DYNC1H1: variants seen among roughly 807,000 people sequenced by gnomAD.
DYNC1H1 encodes the protein dynein cytoplasmic 1 heavy chain 1, also known as cytoplasmic dynein 1 heavy chain 1.
DYNC1H1 carries 51 observed loss-of-function variants against 527.1 expected under a neutral mutation model. The observed-to-expected ratio is 0.10, with a 90% CI of 0.08 to 0.12. The LOEUF (loss-of-function observed/expected upper bound fraction) is 0.12, where lower values mean the gene tolerates loss of function less well. Ranked by LOEUF, DYNC1H1 falls within the 10% of genes least tolerant of loss-of-function variation. DYNC1H1 has a pLI of 1.00. For synonymous variants in DYNC1H1, 2,189 were observed against 2,278.8 expected (o/e 0.96, Z 1.12); for missense variants, 2,771 against 5,971.8 (o/e 0.46, Z 17.66).
chr14:102,044,121 C>T lies in DYNC1H1; in HGVS notation c.12684+76C>T. The T allele has an allele frequency of 6.3e-7, 1 of 1,595,606 alleles. No homozygotes were observed. The highest frequency in any genetic ancestry group is 8.5e-7 in the Non-Finnish European group (1 of 1,174,312). ...TGCTGCAGGGCGTGGTGCTGAGAGGCCAGACTCTGCGTGGAAGAGCGAGCT... is the reference window on the plus strand; with the variant it reads ...TGCTGCAGGGCGTGGTGCTGAGAGGTCAGACTCTGCGTGGAAGAGCGAGCT... On this transcript the variant is annotated intron_variant, in intron 70 of 77. Transcript: ENST00000360184. The surrounding 1 kb of genome is among the most constrained non-coding windows in gnomAD (Gnocchi z 7.1).
At chr14:102,003,553 A>G (rs1241887327) in intron 23 of DYNC1H1, among the ~76,000 whole-genome samples, 1 of 152,112 alleles carries the variant, frequency 6.6e-6, no homozygotes, top group African/African-American at 2.4e-5. Flanking sequence ...GAGCCACTGC[A>G]CCCAGCCTCT....
At chr14:102,043,731 C>T in intron 69 of DYNC1H1, 144 bp from the exon 70 acceptor site, 1 of 1,104,676 alleles carries the variant, frequency 9.1e-7, no homozygotes, top group Non-Finnish European at 1.3e-6. Context: ...TACTTTTCTC[C>T]TAGCAGCAGT....
intron 1 of DYNC1H1, among the ~76,000 whole-genome samples, chr14:101,969,118 C>T (rs565841016): frequency 2.0e-5 from 3 of 151,932 alleles, no homozygotes; most frequent in South Asian, 2.1e-4. Flanking sequence ...CCCGGGTTCA[C>T]GCCATTCTCC....
chr14:101,995,332 C>A (rs760960649), intron 15 of DYNC1H1, 32 bp downstream of exon 15: 1 of 1,613,102 alleles, frequency 6.2e-7, no homozygotes, highest in Non-Finnish European at 8.5e-7. Flanking sequence ...AAATTTTTGG[C>A]TGGGCGTGGT....
Position 102,010,261 on chromosome 14 carries a change from TTTC to T in DYNC1H1, c.6222-9_6222-7del, listed in dbSNP as rs747347010. On this transcript the variant is annotated splice_polypyrimidine_tract_variant and intron_variant, in intron 30 of 77. Coordinates refer to ENST00000360184, the MANE Select transcript of DYNC1H1 (RefSeq NM_001376.5). This position sits in a 1 kb window ranked among gnomAD's most constrained non-coding sequence, Gnocchi z 6.0. The stretch of plus-strand genomic sequence containing the variant: ...ATACTGTTATTAAAGATAGCCTTTT[TTTC>T]TTCTTTTCTAGACTATGCGATGAGC... 4.7e-5 allele frequency: 76 copies of T among 1,613,842 alleles called. No homozygotes were observed. The African/African-American group carries it at 9.1e-4, about 19-fold the overall frequency.
rs1364758830 is a variant in DYNC1H1, at chr14:102,022,731, A to T, written c.8508-20A>T. ...CCGTGCCCTCTAGTTACCTAAATGC[A>T]CATGCTGCTCTCCCCACAGACTCGT... On this transcript the variant is annotated intron_variant, in intron 42 of 77. Coordinates refer to ENST00000360184, the MANE Select transcript of DYNC1H1 (RefSeq NM_001376.5). 23 of 1,613,874 alleles carry T rather than the reference A, an allele frequency of 1.4e-5. No individual in the cohort carries two copies. Among genetic ancestry groups the T allele is most frequent in the Non-Finnish European group, 1.9e-5 (22 of 1,179,952 alleles).
Position 102,044,338 on chromosome 14 carries a change from C to G in DYNC1H1, c.12749C>G (p.Ser4250Cys), listed in dbSNP as rs1595633349. 1 of 1,614,216 alleles carries G rather than the reference C, an allele frequency of 6.2e-7. No individual in the cohort carries two copies. The highest frequency in any genetic ancestry group is 8.5e-7 in the Non-Finnish European group (1 of 1,180,046). ...GCACTAAAGACCTTAATGGCCCAGT[C>G]CATTTATGGCGGGCGCGTGGACAAC... ...WSALKTLMAQ[S>C]IYGGRVDNEF... Residue 4250 changes from serine to cysteine, a missense_variant, in exon 71 of 78, where the codon TCC becomes TGC. Physicochemically the swap from Ser to Cys is moderately radical, Grantham distance 112 (BLOSUM62 -1). Coordinates refer to ENST00000360184, the MANE Select transcript of DYNC1H1 (RefSeq NM_001376.5). The surrounding 1 kb of genome is among the most constrained non-coding windows in gnomAD (Gnocchi z 7.1).
rs2749897 is a variant in DYNC1H1, at chr14:102,011,024, G to A, written c.6618+72G>A. The A allele has an allele frequency of 0.012, 18,651 of 1,523,734 alleles. 427 individuals are homozygous for A. The highest frequency in any genetic ancestry group is 0.088 in the African/African-American group (6,428 of 73,086). 94.4% of individuals were successfully genotyped at this position (1,523,734 alleles called of 1,614,324 possible). ...GCTTTAGTGTCTGGTAATGACAACCGTGGGCCCTTCGATGAAACTGTCCAC... is the reference window on the plus strand; with the variant it reads ...GCTTTAGTGTCTGGTAATGACAACCATGGGCCCTTCGATGAAACTGTCCAC... On this transcript the variant is annotated intron_variant, in intron 32 of 77. Coordinates refer to ENST00000360184, the MANE Select transcript of DYNC1H1 (RefSeq NM_001376.5). The surrounding 1 kb of genome is among the most constrained non-coding windows in gnomAD (Gnocchi z 5.3).
Position 101,997,288 on chromosome 14 carries a change from G to A in DYNC1H1, c.3804+14G>A, listed in dbSNP as rs748738577. On this transcript the variant is annotated intron_variant, in intron 16 of 77. Coordinates refer to ENST00000360184, the MANE Select transcript of DYNC1H1 (RefSeq NM_001376.5). This position sits in a 1 kb window ranked among gnomAD's most constrained non-coding sequence, Gnocchi z 4.8. ...AAGCCTGTCACGGTGAGTCCCGCCAGGTGGGGACGCAGGAGACTCCTCACC... is the reference window on the plus strand; with the variant it reads ...AAGCCTGTCACGGTGAGTCCCGCCAAGTGGGGACGCAGGAGACTCCTCACC... The A allele has an allele frequency of 1.1e-5, 17 of 1,613,960 alleles. No individual in the cohort carries two copies. In the African/African-American group the frequency reaches 2.0e-4, roughly 19 times the overall value.
rs888212738 is a variant in DYNC1H1, at chr14:102,054,566, T to C, written c.*4003T>C. 7.0e-6 allele frequency: 1 copy of C among 141,912 alleles called. No individual in the cohort carries two copies. The highest frequency in any genetic ancestry group is 1.5e-5 in the Non-Finnish European group (1 of 65,200). 8.8% of individuals were successfully genotyped at this position (141,912 alleles called of 1,614,324 possible). ...TCACCAACAGAGCCTTTGCAGAACT[T>C]TTTTTTTTTTTTTTTTTTTTGAGAC... On this transcript the variant is annotated 3_prime_UTR_variant, in exon 78 of 78. Transcript: ENST00000360184.
At position 102,010,873 on chromosome 14, in the gene DYNC1H1, A is replaced by C. The variant is rs377618857; in HGVS notation, c.6539A>C (p.Glu2180Ala). 5.6e-6 allele frequency: 9 copies of C among 1,614,130 alleles called. No individual in the cohort carries two copies. The highest frequency in any genetic ancestry group is 7.6e-6 in the Non-Finnish European group (9 of 1,180,058). ...AGGGGTGAGATGACTGCCCTTCGAG[A>C]GGAGCTGAAGAAAGTGTGTCAGGAG... ...YHRGEMTALR[E>A]ELKKVCQEMY... The change falls in exon 32 of 78, where the codon GAG becomes GCG. Residue 2180 changes from glutamate (E) to alanine (A), a missense_variant. By Grantham distance (107) the Glu-to-Ala change is moderately radical. Around this residue, in one of 32 missense-constraint regions of DYNC1H1, gnomAD observed 56 missense variants for 140.6 expected, o/e 0.40. Transcript: ENST00000360184. This position sits in a 1 kb window ranked among gnomAD's most constrained non-coding sequence, Gnocchi z 6.0.
rs201815964 is a variant in DYNC1H1 at position 102,053,752 on chromosome 14, T to TTTG, written c.*3191_*3192insGTT. The TTTG allele has an allele frequency of 0.049, 5,438 of 110,378 alleles. 106 individuals are homozygous for TTTG. Among genetic ancestry groups the TTTG allele is most frequent in the Middle Eastern group, 0.13 (29 of 228 alleles). 6.8% of individuals were successfully genotyped at this position (110,378 alleles called of 1,614,324 possible). A position where few individuals can be genotyped will look rare whatever the true frequency, so the allele number is the denominator to read the frequency against. ...CCACCACACTCGGCCTCTTTGTTTG[T>TTTG]TTTTTTTTTTTTTTGAGACAGTCTG... On this transcript the variant is annotated 3_prime_UTR_variant, in exon 78 of 78. Coordinates refer to ENST00000360184, the MANE Select transcript of DYNC1H1 (RefSeq NM_001376.5).
Position 102,039,991 on chromosome 14 carries a change from C to T in DYNC1H1, c.11691-245C>T, listed in dbSNP as rs1410160934. ...TAGCTAGGACTATAGGCGCAGGCCA[C>T]CACATCTGGCTAATTTTTTTTGTAT... On this transcript the variant is annotated intron_variant, in intron 62 of 77. Transcript: ENST00000360184. This position sits in a 1 kb window ranked among gnomAD's most constrained non-coding sequence, Gnocchi z 7.0. Among the ~76,000 whole-genome samples the T allele has an allele frequency of 6.6e-6, 1 of 152,160 alleles. No homozygotes were observed. Among genetic ancestry groups the T allele is most frequent in the Non-Finnish European group, 1.5e-5 (1 of 68,036 alleles).
In DYNC1H1 at chr14:101,986,295, C is replaced by T; in HGVS notation, c.2070C>T (p.Arg690=). 6.2e-7 allele frequency: 1 copy of T among 1,613,662 alleles called. No homozygotes were observed. Among genetic ancestry groups the T allele is most frequent in the Non-Finnish European group, 8.5e-7 (1 of 1,179,920 alleles). ...QKLKQDGDSF[R]MKLNTQEIFD... ...TGAAGCAGGATGGAGACAGCTTCCGCATGAAGCTCAACACGCAGGAGATCT... is the reference window on the plus strand; with the variant it reads ...TGAAGCAGGATGGAGACAGCTTCCGTATGAAGCTCAACACGCAGGAGATCT... Residue 690 remains arginine (R), a synonymous_variant, in exon 8 of 78, where the codon CGC becomes CGT. Transcript: ENST00000360184. The surrounding 1 kb of genome is among the most constrained non-coding windows in gnomAD (Gnocchi z 8.7).
rs80072822 is a variant in DYNC1H1, at chr14:101,979,230, A to G, written c.345-89A>G. On this transcript the variant is annotated intron_variant, in intron 2 of 77. Coordinates refer to ENST00000360184, the MANE Select transcript of DYNC1H1 (RefSeq NM_001376.5). The surrounding 1 kb of genome is among the most constrained non-coding windows in gnomAD (Gnocchi z 4.6). Reference sequence around the variant, plus strand: ...TGCATTTCACTATTAGAAAAGCAACACTTCAGTATATTCTTGTATGATTTT... The same window carrying G: ...TGCATTTCACTATTAGAAAAGCAACGCTTCAGTATATTCTTGTATGATTTT... 3.0e-4 allele frequency: 383 copies of G among 1,297,006 alleles called. 3 individuals carry two copies. The East Asian group carries it at 8.2e-3, about 28-fold the overall frequency. 80.3% of individuals were successfully genotyped at this position (1,297,006 alleles called of 1,614,324 possible).
intron 28 of DYNC1H1, among the ~76,000 whole-genome samples, chr14:102,007,870 G>C (rs536004792): frequency 6.6e-6 from 1 of 152,352 alleles, no homozygotes; most frequent in South Asian, 2.1e-4. Context: ...GCGGGGTTCA[G>C]TTCCCAGTGA....
chr14:102,032,903 G>T (rs1302177435), intron 52 of DYNC1H1, 162 bp from the exon 53 acceptor site: 1 of 711,616 alleles, frequency 1.4e-6, no homozygotes, highest in Non-Finnish European at 2.4e-6. Flanking sequence ...CACATTTTCA[G>T]CTTTCACCTG....
At chr14:101,992,071 C>A (rs1191626912) in intron 11 of DYNC1H1, among the ~76,000 whole-genome samples, 1 of 152,034 alleles carries the variant, frequency 6.6e-6, no homozygotes, top group Admixed American at 6.6e-5. Context: ...TACCTCTCCA[C>A]CCCCACCAGA....
In DYNC1H1 at chr14:102,028,210, G is replaced by T. The variant is rs1450171131; in HGVS notation, c.9468+69G>T. 2.5e-6 allele frequency: 4 copies of T among 1,582,746 alleles called. No homozygotes were observed. In the African/African-American group the frequency reaches 4.0e-5, roughly 16 times the overall value. The stretch of plus-strand genomic sequence containing the variant: ...CATCATGCTAATATAAAACTAAATT[G>T]CTATAAAAATAGACCTTAAGGCCAG... On this transcript the variant is annotated intron_variant, in intron 48 of 77. Transcript: ENST00000360184.
Sources: gnomAD v4.1 joint callset for allele counts (sites outside exome capture counted in the v4.1 genomes callset) on GRCh38, gnomAD v4.1.1 for gene constraint, gnomAD v4.1.1 regional missense constraint, Gnocchi (gnomAD v3.1) non-coding constraint, MANE v1.5 for transcripts, NCBI Gene and HGNC (gene_info 2026-07-23, HGNC 2026-07-21) for gene names.